Variants in ZFPM1 observed in about 807,000 individuals in gnomAD.
ZFPM1 encodes zinc finger protein ZFPM1.
Under a neutral mutation model 46.3 loss-of-function variants are expected in ZFPM1, and 28 were observed. The ratio of observed to expected loss-of-function variants is 0.60; its 90% CI spans 0.45 to 0.83. ZFPM1 has a LOEUF of 0.83. Among genes scored for constraint, ZFPM1 ranks in the 40% least tolerant of loss-of-function variants. The pLI is 0.00. For synonymous variants in ZFPM1, 957 were observed against 675.9 expected, an observed-to-expected ratio of 1.42 and a Z score of -6.45; for missense variants, 1,878 against 1,432.4, an observed-to-expected ratio of 1.31 and a Z score of -5.02.
chr16:88,527,933 G>A lies in ZFPM1; in HGVS notation c.506-99G>A, dbSNP rs1002816831. 52 of 1,240,422 alleles carry A rather than the reference G, an allele frequency of 4.2e-5. 1 individual carries two copies. Among genetic ancestry groups the A allele is most frequent in the Middle Eastern group, 5.8e-4 (2 of 3,472 alleles). 76.8% of individuals were successfully genotyped at this position (1,240,422 alleles called of 1,614,324 possible). On this transcript the variant is annotated intron_variant, in intron 5 of 9. Transcript: ENST00000319555. ...GCCAGCCAGCCATGGCTGTGAACCC[G>A]GGTGGCCGCTCTCCTGACCCCATCC...
chr16:88,516,141 A>C (rs1376393138), intron 4 of ZFPM1: 5 of 398,502 alleles, frequency 1.3e-5, no homozygotes, highest in African/African-American at 1.0e-4. Flanking sequence ...CAAGATGTTA[A>C]GTCAATTGCC....
intron 1 of ZFPM1, among the ~76,000 whole-genome samples, chr16:88,463,961 C>T (rs915020909): frequency 1.3e-5 from 2 of 152,222 alleles, no homozygotes; most frequent in South Asian, 2.1e-4. Context: ...ACACGTAGGG[C>T]AGGGCCAGCC....
At chr16:88,458,824 C>T (rs1907672343) in intron 1 of ZFPM1, among the ~76,000 whole-genome samples, 1 of 152,178 alleles carries the variant, frequency 6.6e-6, no homozygotes, top group Non-Finnish European at 1.5e-5. Context: ...GTCTGCCACC[C>T]TACACTCAGG....
intron 4 of ZFPM1, among the ~76,000 whole-genome samples, chr16:88,523,800 G>C (rs1912089332): frequency 6.6e-6 from 1 of 152,138 alleles, no homozygotes; most frequent in South Asian, 2.1e-4. Context: ...TCCCTCCCGG[G>C]TCGGGGGCGG....
Position 88,535,024 on chromosome 16 carries a change from T to C in ZFPM1, c.*45T>C. On this transcript the variant is annotated 3_prime_UTR_variant, in exon 10 of 10. Coordinates refer to ENST00000319555, the MANE Select transcript of ZFPM1 (RefSeq NM_153813.3). ...AGACGCTTTGCACGCCCCGCTGCGA[T>C]GCGGGGAGGGGGCCGCCCCCAGGCC... 7.4e-7 allele frequency: 1 copy of C among 1,355,262 alleles called. No individual in the cohort carries two copies. The allele number at this position is 1,355,262 out of a possible 1,614,324, so 84.0% of individuals were successfully genotyped here. A position where few individuals can be genotyped will look rare whatever the true frequency, so the allele number is the denominator to read the frequency against.
chr16:88,493,618 T>G (rs1909751955), intron 3 of ZFPM1, among the ~76,000 whole-genome samples: 1 of 149,160 alleles, frequency 6.7e-6, no homozygotes, highest in Non-Finnish European at 1.5e-5. Flanking sequence ...TGTCCCGGGG[T>G]ACAGAGAGCT....
intron 3 of ZFPM1, among the ~76,000 whole-genome samples, chr16:88,492,923 A>C (rs1909659978): frequency 6.6e-6 from 1 of 152,174 alleles, no homozygotes; most frequent in African/African-American, 2.4e-5. Context: ...TAAGCACCGG[A>C]GAGCTGTCCC....
At chr16:88,478,733 C>T (rs969727857) in intron 1 of ZFPM1, among the ~76,000 whole-genome samples, 2 of 152,196 alleles carry the variant, frequency 1.3e-5, no homozygotes, top group Non-Finnish European at 2.9e-5. Flanking sequence ...ATGAGGAGGC[C>T]TCAACTGCAC....
chr16:88,493,276 A>G (rs1375725860), intron 3 of ZFPM1, among the ~76,000 whole-genome samples: 627 of 45,884 alleles, frequency 0.014, no homozygotes, highest in Middle Eastern at 0.034. Context: ...GCTGTCCCGG[A>G]GTGAGGAGAG....
intron 6 of ZFPM1, among the ~76,000 whole-genome samples, chr16:88,528,764 G>T (rs1912549513): frequency 1.3e-5 from 2 of 152,108 alleles, no homozygotes; most frequent in Non-Finnish European, 2.9e-5. Flanking sequence ...TCGAGACAAG[G>T]TCTCACTCTG....
At chr16:88,484,509 G>T (rs1324014752) in intron 1 of ZFPM1, among the ~76,000 whole-genome samples, 2 of 152,194 alleles carry the variant, frequency 1.3e-5, no homozygotes, top group Non-Finnish European at 2.9e-5. Flanking sequence ...GTGACCATGG[G>T]GCTTGGCGGC....
intron 9 of ZFPM1, 38 bp downstream of exon 9, chr16:88,532,973 C>T (rs756580318): frequency 8.7e-6 from 14 of 1,610,172 alleles, no homozygotes; most frequent in African/African-American, 8.0e-5. Flanking sequence ...GCCCCTTAGG[C>T]CCCCTGAGCA....
chr16:88,533,051 T>TGGCCCC, intron 9 of ZFPM1, 97 bp from the exon 10 acceptor site: 4 of 1,351,628 alleles, frequency 3.0e-6, no homozygotes, highest in Non-Finnish European at 4.0e-6. Context: ...TCTAAACCAC[T>TGGCCCC]CCCGCCCACC....
intron 3 of ZFPM1, among the ~76,000 whole-genome samples, chr16:88,503,237 G>A (rs1420794126): frequency 9.8e-5 from 14 of 142,328 alleles, no homozygotes; most frequent in Admixed American, 2.8e-4. Flanking sequence ...AGGGGCCCAC[G>A]GTTCCTGAGT....
chr16:88,518,702 T>C (rs1911532513), intron 4 of ZFPM1, among the ~76,000 whole-genome samples: 1 of 145,660 alleles, frequency 6.9e-6, no homozygotes, highest in Non-Finnish European at 1.5e-5. Context: ...GGTGGATTGA[T>C]GGACGGATGG....
chr16:88,525,875 A>T (rs897365514), intron 4 of ZFPM1, among the ~76,000 whole-genome samples: 3 of 152,152 alleles, frequency 2.0e-5, no homozygotes, highest in Admixed American at 6.5e-5. Context: ...GCAGGAAACG[A>T]GGCGGCCTCC....
chr16:88,526,915 G>A lies in ZFPM1; in HGVS notation c.504G>A (p.Lys168=). 1 of 1,569,894 alleles carries A rather than the reference G, an allele frequency of 6.4e-7. No individual in the cohort carries two copies. Among genetic ancestry groups the A allele is most frequent in the Non-Finnish European group, 8.6e-7 (1 of 1,157,324 alleles). The change falls in exon 5 of 10, where the codon AAG becomes AAA. Residue 168 remains lysine (K), a splice_region_variant and synonymous_variant. Transcript: ENST00000319555. ...EAEANTEIHR[K]DDALWCRVTK... ...AGGCCAACACAGAGATCCACAGGAA[G>A]GGTCAGTATGACGCGGCACCTCCGT...
intron 3 of ZFPM1, 75 bp downstream of exon 3, chr16:88,489,228 G>A (rs985497035): frequency 2.0e-5 from 30 of 1,504,948 alleles, no homozygotes; most frequent in South Asian, 5.1e-5. Flanking sequence ...GCAGGGCGAC[G>A]TGGGTGCTGG....
intron 3 of ZFPM1, among the ~76,000 whole-genome samples, chr16:88,502,063 C>G (rs1161560963): frequency 7.8e-6 from 1 of 127,990 alleles, no homozygotes; most frequent in African/African-American, 2.9e-5. Context: ...CCCGCCCCCC[C>G]CCATTTATTT....
Sources: allele counts gnomAD v4.1 joint callset (sites outside exome capture counted in the v4.1 genomes callset), GRCh38; gene constraint gnomAD v4.1.1; transcripts MANE v1.5; gene names NCBI Gene and HGNC (gene_info 2026-07-23, HGNC 2026-07-21).